Variants in AOPEP observed in about 807,000 individuals in gnomAD.
AOPEP encodes aminopeptidase O.
Under a neutral mutation model 98.1 loss-of-function variants are expected in AOPEP, and 77 were observed. That is an observed-to-expected ratio of 0.78 (90% CI 0.65 to 0.95). AOPEP has a LOEUF of 0.95. Among genes scored for constraint, AOPEP ranks in the 40% least tolerant of loss-of-function variants. AOPEP has a pLI of 0.00. For synonymous variants in AOPEP, 346 were observed against 365.3 expected (o/e 0.95, Z 0.60); for missense variants, 1,024 against 1,024.7 (o/e 1.00, Z 0.01).
chr9:94,944,423 T>TA (rs2057392041), intron 7 of AOPEP, among the ~76,000 whole-genome samples: 1 of 152,188 alleles, frequency 6.6e-6, no homozygotes, highest in Non-Finnish European at 1.5e-5. Flanking sequence ...GGAGTACTGA[T>TA]ACTTGCTGCA....
chr9:95,074,058 T>C (rs2134119454), intron 14 of AOPEP, among the ~76,000 whole-genome samples: 1 of 152,290 alleles, frequency 6.6e-6, no homozygotes, highest in South Asian at 2.1e-4. Context: ...GTGCCTGTCA[T>C]GCAGTTGGCT....
the AOPEP span, among the ~76,000 whole-genome samples, chr9:95,121,839 G>A: frequency 6.6e-6 from 1 of 151,898 alleles, no homozygotes; most frequent in South Asian, 2.1e-4. Flanking sequence ...AGAGCAAAGG[G>A]ATAATAAACA....
At chr9:94,961,628 A>G (rs185076048) in intron 9 of AOPEP, among the ~76,000 whole-genome samples, 23 of 151,992 alleles carry the variant, frequency 1.5e-4, no homozygotes, top group Admixed American at 1.2e-3. Flanking sequence ...TGAAATCTCT[A>G]TGTTCTTTTC....
At chr9:94,870,962 C>A (rs1308771493) in intron 5 of AOPEP, among the ~76,000 whole-genome samples, 1 of 152,186 alleles carries the variant, frequency 6.6e-6, no homozygotes, top group African/African-American at 2.4e-5. Context: ...ATTGTCCGCT[C>A]CCTCAGCAGT....
intron 7 of AOPEP, chr9:94,933,563 C>T: frequency 1.0e-6 from 1 of 985,334 alleles, no homozygotes; most frequent in Non-Finnish European, 1.2e-6. Flanking sequence ...TTTCCCTAAC[C>T]TTCCTCCTGA....
the AOPEP span, among the ~76,000 whole-genome samples, chr9:95,092,847 G>A: frequency 1.3e-5 from 2 of 152,172 alleles, no homozygotes; most frequent in African/African-American, 4.8e-5. Context: ...AGCTCTGAAA[G>A]GCAGGAGTCA....
At chr9:94,969,642 C>A (rs1010926848) in intron 10 of AOPEP, among the ~76,000 whole-genome samples, 5 of 152,084 alleles carry the variant, frequency 3.3e-5, no homozygotes, top group Non-Finnish European at 7.4e-5. Context: ...CTCCTGACCT[C>A]GTGATCTGCC....
At chr9:94,909,265 C>T (rs1242382608) in intron 5 of AOPEP, among the ~76,000 whole-genome samples, 1 of 146,986 alleles carries the variant, frequency 6.8e-6, no homozygotes, top group African/African-American at 2.5e-5. Flanking sequence ...GCGCATTGAG[C>T]GTCAGCATAA....
intron 5 of AOPEP, among the ~76,000 whole-genome samples, chr9:94,828,627 T>C (rs1855189258): frequency 2.6e-5 from 4 of 152,054 alleles, no homozygotes; most frequent in Admixed American, 2.0e-4. Flanking sequence ...GGAATTCAGC[T>C]CTTGAGCAGA....
intron 5 of AOPEP, among the ~76,000 whole-genome samples, chr9:94,837,250 T>A (rs2041718877): frequency 6.6e-6 from 1 of 152,142 alleles, no homozygotes. Flanking sequence ...GCAGTGAGAT[T>A]GAAATGGTAA....
intron 15 of AOPEP, among the ~76,000 whole-genome samples, chr9:95,082,026 C>T (rs973579822): frequency 1.3e-5 from 2 of 151,968 alleles, no homozygotes; most frequent in African/African-American, 4.8e-5. Context: ...GTGCGGGCTA[C>T]GGTGCAGGGC....
At chr9:94,844,066 TGTTTTTTTGAG>T (rs1462395153) in intron 5 of AOPEP, among the ~76,000 whole-genome samples, 1 of 152,220 alleles carries the variant, frequency 6.6e-6, no homozygotes, top group Non-Finnish European at 1.5e-5. Context: ...AGTTTTGTTC[TGTTTTTTTGAG>T]GCAGAGTCTC....
chr9:94,978,269 T>C (rs1446418557), intron 10 of AOPEP, among the ~76,000 whole-genome samples: 1 of 152,186 alleles, frequency 6.6e-6, no homozygotes. Flanking sequence ...TAGTGTATAA[T>C]ACATTAAAAT....
At chr9:94,968,145 A>G (rs2059321241) in intron 10 of AOPEP, among the ~76,000 whole-genome samples, 1 of 152,256 alleles carries the variant, frequency 6.6e-6, no homozygotes, top group African/African-American at 2.4e-5. Context: ...ATGTGGCTTA[A>G]TGCAAGGAAA....
chr9:95,115,732 G>A, the AOPEP span, among the ~76,000 whole-genome samples: 5 of 152,148 alleles, frequency 3.3e-5, no homozygotes, highest in Non-Finnish European at 5.9e-5. Context: ...CAAGGCCAGC[G>A]CCTCCCTCCT....
chr9:94,891,763 A>G (rs373455325), intron 5 of AOPEP, among the ~76,000 whole-genome samples: 1 of 152,222 alleles, frequency 6.6e-6, no homozygotes, highest in Non-Finnish European at 1.5e-5. Context: ...TTTAAAACCC[A>G]TAAGGTGAAG....
the AOPEP span, chr9:95,117,239 TG>T: frequency 7.8e-7 from 1 of 1,283,660 alleles, no homozygotes; most frequent in Non-Finnish European, 1.1e-6. Flanking sequence ...GATAAGGGCC[TG>T]ATGAGGAGGT....
At chr9:95,072,770 T>A (rs1587913416) in intron 14 of AOPEP, among the ~76,000 whole-genome samples, 1 of 152,224 alleles carries the variant, frequency 6.6e-6, no homozygotes, top group Non-Finnish European at 1.5e-5. Context: ...ATTATTGTTA[T>A]ATCATAGACA....
chr9:95,127,870 T>TA, the AOPEP span, among the ~76,000 whole-genome samples: 3 of 152,372 alleles, frequency 2.0e-5, no homozygotes, highest in East Asian at 3.9e-4. Flanking sequence ...GCAGGAGCTC[T>TA]GCCACTTTTT....
Sources: gnomAD v4.1 joint callset for allele counts (sites outside exome capture counted in the v4.1 genomes callset) on GRCh38, gnomAD v4.1.1 for gene constraint, MANE v1.5 for transcripts, NCBI Gene and HGNC (gene_info 2026-07-23, HGNC 2026-07-21) for gene names.